The following FHIT variants were observed in gnomAD, a reference collection of about 807,000 sequenced individuals.
The protein encoded by FHIT is fragile histidine triad diadenosine triphosphatase, also known as bis(5'-adenosyl)-triphosphatase.
A neutral mutation model predicts 17.9 loss-of-function variants in FHIT; 19 were observed. That is an observed-to-expected ratio of 1.06 (90% CI 0.74 to 1.56). The LOEUF (loss-of-function observed/expected upper bound fraction) is 1.56. Among genes scored for constraint, FHIT ranks in the 40% most tolerant of loss-of-function variants. The pLI, the probability that FHIT is intolerant of heterozygous loss-of-function variation, is 0.00. For synonymous variants in FHIT, 81 were observed against 69.7 expected (o/e 1.16, Z -0.81); for missense variants, 248 against 189.2 (o/e 1.31, Z -1.82).
intron 5 of FHIT, among the ~76,000 whole-genome samples, chr3:60,174,796 G>T (rs1057065805): frequency 6.6e-6 from 1 of 151,944 alleles, no homozygotes; most frequent in Non-Finnish European, 1.5e-5. Flanking sequence ...AAAACGCCAT[G>T]CCCACTCAGC....
At chr3:59,844,452 G>A (rs1184085994) in intron 8 of FHIT, among the ~76,000 whole-genome samples, 1 of 151,942 alleles carries the variant, frequency 6.6e-6, no homozygotes, top group African/African-American at 2.4e-5. Context: ...CTCTTATCAT[G>A]TTGGGGTAGT....
intron 3 of FHIT, among the ~76,000 whole-genome samples, chr3:60,830,180 C>T (rs539848431): frequency 3.3e-5 from 5 of 152,216 alleles, no homozygotes; most frequent in East Asian, 1.9e-4. Context: ...GTATCTTCCA[C>T]GTGTACATGA....
chr3:59,835,766 G>C (rs1277590080), intron 8 of FHIT, among the ~76,000 whole-genome samples: 1 of 152,172 alleles, frequency 6.6e-6, no homozygotes, highest in East Asian at 1.9e-4. Context: ...CAACACACTT[G>C]AAGACCACTA....
intron 3 of FHIT, among the ~76,000 whole-genome samples, chr3:60,985,524 C>A (rs1710684917): frequency 6.6e-6 from 1 of 152,140 alleles, no homozygotes; most frequent in Admixed American, 6.6e-5. Flanking sequence ...TTGAAAAAAA[C>A]AAGCATGTGA....
chr3:61,002,786 G>T (rs1203000770), intron 3 of FHIT, among the ~76,000 whole-genome samples: 3 of 151,960 alleles, frequency 2.0e-5, no homozygotes, highest in African/African-American at 4.8e-5. Flanking sequence ...ATCTATCACT[G>T]GAAAGTGGAT....
intron 5 of FHIT, among the ~76,000 whole-genome samples, chr3:60,479,746 A>G (rs574783796): frequency 2.0e-5 from 3 of 152,236 alleles, no homozygotes; most frequent in South Asian, 2.1e-4. Context: ...CATGAACCCT[A>G]TTGTGAATTG....
intron 4 of FHIT, among the ~76,000 whole-genome samples, chr3:60,659,439 A>G (rs1214349677): frequency 7.0e-5 from 10 of 143,190 alleles, no homozygotes; most frequent in African/African-American, 2.5e-4. Context: ...GGTGTCCAGC[A>G]GCTCTGTTCC....
chr3:60,860,935 A>G (rs1553752015), intron 3 of FHIT, among the ~76,000 whole-genome samples: 1 of 107,762 alleles, frequency 9.3e-6, no homozygotes, highest in African/African-American at 3.4e-5. Flanking sequence ...ATACGTATAT[A>G]TCATGTATAT....
chr3:60,039,597 C>A (rs1381702214), intron 5 of FHIT, among the ~76,000 whole-genome samples: 2 of 152,156 alleles, frequency 1.3e-5, no homozygotes, highest in Admixed American at 1.3e-4. Context: ...TATAAAGATG[C>A]ACTAAATATC....
chr3:61,172,793 GC>G (rs1232501586), intron 2 of FHIT, among the ~76,000 whole-genome samples: 1 of 144,076 alleles, frequency 6.9e-6, no homozygotes, highest in Non-Finnish European at 1.6e-5. Context: ...ACCCCTGAGA[GC>G]CCCCACTGAT....
intron 3 of FHIT, among the ~76,000 whole-genome samples, chr3:60,906,265 G>A (rs1706410731): frequency 6.6e-6 from 1 of 152,148 alleles, no homozygotes; most frequent in Non-Finnish European, 1.5e-5. Flanking sequence ...ATAGGATAGA[G>A]CAAATGAATC....
At chr3:59,975,544 C>A (rs533031540) in intron 7 of FHIT, among the ~76,000 whole-genome samples, 1 of 151,886 alleles carries the variant, frequency 6.6e-6, no homozygotes, top group Non-Finnish European at 1.5e-5. Flanking sequence ...AAGGTAGGAA[C>A]TATTATCATT....
At chr3:60,732,110 TGG>T in intron 4 of FHIT, 2 of 670,194 alleles carry the variant, frequency 3.0e-6, no homozygotes, top group Non-Finnish European at 5.2e-6. Context: ...ACAGAAGGAA[TGG>T]TCTGGTGGTT....
At chr3:60,077,363 A>G (rs1046904656) in intron 5 of FHIT, 3 of 152,068 alleles carry the variant, frequency 2.0e-5, no homozygotes, top group African/African-American at 7.2e-5. Flanking sequence ...ACTATAAATT[A>G]GCATACCTGA....
rs532096041 is a variant in FHIT at position 60,215,855 on chromosome 3, C to T, written c.104-201703G>A. Among the ~76,000 whole-genome samples, 5 of 152,242 alleles carry T rather than the reference C, an allele frequency of 3.3e-5. No homozygotes were observed. The South Asian group carries it at 1.0e-3, about 32-fold the overall frequency. ...ATTTCCAATAATCTATGAGAGAACA[C>T]TTAAAGACTTTACACTTAAGAAGAA... On this transcript the variant is annotated intron_variant, in intron 5 of 9. Coordinates refer to ENST00000492590, the MANE Select transcript of FHIT (RefSeq NM_002012.4).
chr3:60,838,204 G>A (rs1174609322), intron 3 of FHIT, among the ~76,000 whole-genome samples: 3 of 152,192 alleles, frequency 2.0e-5, no homozygotes, highest in African/African-American at 7.2e-5. Flanking sequence ...TGGGCGTGGT[G>A]GCTCACGCCT....
At chr3:61,008,515 A>C (rs1004095939) in intron 3 of FHIT, among the ~76,000 whole-genome samples, 1 of 152,110 alleles carries the variant, frequency 6.6e-6, no homozygotes, top group Non-Finnish European at 1.5e-5. Flanking sequence ...ATTAAACTAC[A>C]AACAGCTCTT....
intron 4 of FHIT, among the ~76,000 whole-genome samples, chr3:60,696,476 C>T (rs573851491): frequency 6.6e-6 from 1 of 152,220 alleles, no homozygotes; most frequent in Admixed American, 6.5e-5. Context: ...TGCCTATTTC[C>T]TAGAACATCC....
intron 5 of FHIT, among the ~76,000 whole-genome samples, chr3:60,079,342 A>G (rs1703173557): frequency 6.6e-6 from 1 of 152,166 alleles, no homozygotes; most frequent in African/African-American, 2.4e-5. Context: ...TTTCTACACA[A>G]TTGAAAACAA....
Sources: allele counts gnomAD v4.1 joint callset (sites outside exome capture counted in the v4.1 genomes callset), GRCh38; gene constraint gnomAD v4.1.1; transcripts MANE v1.5; gene names NCBI Gene and HGNC (gene_info 2026-07-23, HGNC 2026-07-21).